Variants in RASA2 observed in about 807,000 individuals in gnomAD.
RASA2 encodes the protein RAS p21 protein activator 2.
Under a neutral mutation model 118.2 loss-of-function variants are expected in RASA2, and 155 were observed. That is an observed-to-expected ratio of 1.31 (90% CI 1.15 to 1.50). The LOEUF (loss-of-function observed/expected upper bound fraction) is 1.50, where lower values mean the gene tolerates loss of function less well. Ranked by LOEUF, RASA2 falls within the 40% of genes most tolerant of loss-of-function variation. RASA2 has a pLI of 0.00. For synonymous variants in RASA2, 353 were observed against 349.1 expected, an observed-to-expected ratio of 1.01 and a Z score of -0.12; for missense variants, 1,016 against 1,009.6, an observed-to-expected ratio of 1.01 and a Z score of -0.09.
At chr3:141,575,692 A>G (rs2082999656) in intron 14 of RASA2, among the ~76,000 whole-genome samples, 1 of 116,444 alleles carries the variant, frequency 8.6e-6, no homozygotes. Context: ...CATTCACTAT[A>G]CTCTATACTA....
At chr3:141,609,311 T>C (rs1414471195) in intron 21 of RASA2, 109 bp from the exon 22 acceptor site, 1 of 600,550 alleles carries the variant, frequency 1.7e-6, no homozygotes, top group Non-Finnish European at 2.6e-6. Flanking sequence ...CCAGACTTCC[T>C]TCTGCAAAAG....
intron 1 of RASA2, among the ~76,000 whole-genome samples, chr3:141,509,245 AAGGATGCT>A (rs1256952280): frequency 2.6e-5 from 4 of 152,220 alleles, no homozygotes. Context: ...TTTTATAGGA[AAGGATGCT>A]TGGTACATTT....
chr3:141,533,906 C>T (rs949550261), intron 4 of RASA2, among the ~76,000 whole-genome samples: 2 of 152,144 alleles, frequency 1.3e-5, no homozygotes, highest in Non-Finnish European at 2.9e-5. Context: ...GTCAATAAGT[C>T]TAGTGGACAT....
Position 141,612,489 on chromosome 3 carries a change from G to A in RASA2, c.*176G>A. The A allele has an allele frequency of 3.7e-6, 2 of 535,274 alleles. No individual in the cohort carries two copies. The highest frequency in any genetic ancestry group is 6.5e-6 in the Non-Finnish European group (2 of 308,508). 33.2% of individuals were successfully genotyped at this position (535,274 alleles called of 1,614,324 possible). A position where few individuals can be genotyped will look rare whatever the true frequency, so the allele number is the denominator to read the frequency against. ...TTAATTGTTTGGGAATCCTGGTATT[G>A]ATGTATTACTAGAGAATTTAAAGCC... On this transcript the variant is annotated 3_prime_UTR_variant, in exon 24 of 24. Transcript: ENST00000286364.
chr3:141,557,775 TA>T (rs1169668261), intron 7 of RASA2, among the ~76,000 whole-genome samples: 1 of 151,638 alleles, frequency 6.6e-6, no homozygotes, highest in African/African-American at 2.4e-5. Context: ...AAGAGGCAGA[TA>T]AAAGAGAGAA....
intron 3 of RASA2, among the ~76,000 whole-genome samples, chr3:141,521,217 T>G (rs2082107011): frequency 6.6e-6 from 1 of 152,192 alleles, no homozygotes; most frequent in Admixed American, 6.5e-5. Context: ...GTGAAGCCTG[T>G]GTTGGAATGA....
At chr3:141,513,493 G>T (rs1028258031) in intron 2 of RASA2, among the ~76,000 whole-genome samples, 2 of 152,096 alleles carry the variant, frequency 1.3e-5, no homozygotes, top group Non-Finnish European at 2.9e-5. Context: ...TAATTGTTTA[G>T]AAAATAATGC....
At chr3:141,605,011 T>G (rs2083525098) in intron 19 of RASA2, among the ~76,000 whole-genome samples, 1 of 152,038 alleles carries the variant, frequency 6.6e-6, no homozygotes, top group Non-Finnish European at 1.5e-5. Context: ...GTAAACATAC[T>G]CCATTGTTTA....
intron 6 of RASA2, 146 bp downstream of exon 6, chr3:141,554,086 C>T (rs980584239): frequency 7.4e-7 from 1 of 1,355,920 alleles, no homozygotes; most frequent in African/African-American, 1.5e-5. Flanking sequence ...TTAGTGAGTT[C>T]TATTATACAC....
At chr3:141,547,203 A>C (rs1202053543) in intron 5 of RASA2, among the ~76,000 whole-genome samples, 1 of 151,934 alleles carries the variant, frequency 6.6e-6, no homozygotes, top group Non-Finnish European at 1.5e-5. Flanking sequence ...GTTTCATATA[A>C]ATTTTGGGAT....
rs1192362545 is a variant in RASA2 at position 141,608,566 on chromosome 3, C to T, written c.2094C>T (p.Asp698=). ...NNCVEANEWI[D]VLCRVSRCNQ... is the part of the protein sequence containing the mutation. The stretch of plus-strand genomic sequence containing the variant: ...GTGTAGAAGCTAATGAATGGATAGA[C>T]GTACTCTGCAGGGTGAGCCGATGCA... The change falls in exon 21 of 24, where the codon GAC becomes GAT. Residue 698 remains aspartate (D), a synonymous_variant. Transcript: ENST00000286364. 4 of 1,613,820 alleles carry T rather than the reference C, an allele frequency of 2.5e-6. No individual in the cohort carries two copies. Among genetic ancestry groups the T allele is most frequent in the East Asian group, 2.2e-5 (1 of 44,884 alleles).
chr3:141,603,954 A>G (rs1192458060), intron 19 of RASA2, among the ~76,000 whole-genome samples: 3 of 152,228 alleles, frequency 2.0e-5, no homozygotes, highest in Admixed American at 6.5e-5. Flanking sequence ...TCTTTTACAG[A>G]TAATACCACA....
chr3:141,600,502 A>C (rs1230299956), intron 19 of RASA2: 1 of 319,510 alleles, frequency 3.1e-6, no homozygotes, highest in African/African-American at 2.2e-5. Flanking sequence ...CACAGCCTTC[A>C]TGCAGGTGGC....
Position 141,580,435 on chromosome 3 carries a change from G to A in RASA2, c.1658G>A (p.Ser553Asn). 12 of 1,605,232 alleles carry A rather than the reference G, an allele frequency of 7.5e-6. No homozygotes were observed. Among genetic ancestry groups the A allele is most frequent in the Non-Finnish European group, 1.0e-5 (12 of 1,173,222 alleles). Residue 553 changes from serine to asparagine, a missense_variant, in exon 16 of 24, where the codon AGT becomes AAT. Physicochemically the swap from Ser to Asn is conservative, Grantham distance 46. Around this residue, in one of 2 missense-constraint regions of RASA2, gnomAD observed 896 missense variants for 836.4 expected, o/e 1.07. Coordinates refer to ENST00000286364, the MANE Select transcript of RASA2 (RefSeq NM_006506.5). ...ATACAAACTTTGGGAAGCTGGGGGA[G>A]TCTGTCCAAAAGCAAGGTAAGTCCT... ...KTIQTLGSWG[S>N]LSKSKSSFKE...
chr3:141,551,603 CA>C (rs941624305), intron 5 of RASA2, among the ~76,000 whole-genome samples: 1 of 152,218 alleles, frequency 6.6e-6, no homozygotes, highest in African/African-American at 2.4e-5. Context: ...CTCTTCTTCT[CA>C]GAGAAACCAT....
Position 141,586,801 on chromosome 3 carries a change from A to G in RASA2, c.1933+49A>G, listed in dbSNP as rs776076757. 5 of 1,470,862 alleles carry G rather than the reference A, an allele frequency of 3.4e-6. No individual in the cohort carries two copies. In the African/African-American group the frequency reaches 4.2e-5, roughly 12 times the overall value. 91.1% of individuals were successfully genotyped at this position (1,470,862 alleles called of 1,614,324 possible). On this transcript the variant is annotated intron_variant, in intron 19 of 23. Transcript: ENST00000286364. Reference sequence around the variant, plus strand: ...TGGGGTTTTTCCTGGTTCTCAGTGAAGGTTTCTTTGCCGCTTATTGTGACT... The same window carrying G: ...TGGGGTTTTTCCTGGTTCTCAGTGAGGGTTTCTTTGCCGCTTATTGTGACT...
rs781669610 is a variant in RASA2 at position 141,574,087 on chromosome 3, A to T, written c.1483+20A>T. 132 of 1,404,308 alleles carry T rather than the reference A, an allele frequency of 9.4e-5. 1 individual carries two copies. The highest frequency in any genetic ancestry group is 1.2e-4 in the Non-Finnish European group (127 of 1,064,406). 87.0% of individuals were successfully genotyped at this position (1,404,308 alleles called of 1,614,324 possible). A position where few individuals can be genotyped will look rare whatever the true frequency, so the allele number is the denominator to read the frequency against. ...TTCCTAGTAAGTGCCTTGTTTTACT[A>T]AAACATGCCATTTATTTTTCTTTGA... On this transcript the variant is annotated intron_variant, in intron 14 of 23. Transcript: ENST00000286364.
At position 141,574,051 on chromosome 3, in the gene RASA2, T is replaced by C. The variant is rs1337314431; in HGVS notation, c.1467T>C (p.Ala489=). ...CDIFYSLRQM[A]TQRFPNDPHV... Reference sequence around the variant, plus strand: ...TCTTTTATTCTCTAAGGCAGATGGCTACTCAGAGATTTCCTAGTAAGTGCC... The same window carrying C: ...TCTTTTATTCTCTAAGGCAGATGGCCACTCAGAGATTTCCTAGTAAGTGCC... The change falls in exon 14 of 24, where the codon GCT becomes GCC. Residue 489 remains alanine, a synonymous_variant. Coordinates refer to ENST00000286364, the MANE Select transcript of RASA2 (RefSeq NM_006506.5). 5.4e-6 allele frequency: 8 copies of C among 1,489,436 alleles called. No homozygotes were observed. The highest frequency in any genetic ancestry group is 7.2e-6 in the Non-Finnish European group (8 of 1,111,758). The allele number at this position is 1,489,436 out of a possible 1,614,324, so 92.3% of individuals were successfully genotyped here. A position where few individuals can be genotyped will look rare whatever the true frequency, so the allele number is the denominator to read the frequency against.
intron 9 of RASA2, among the ~76,000 whole-genome samples, chr3:141,568,189 A>G (rs2082852684): frequency 6.6e-6 from 1 of 152,200 alleles, no homozygotes; most frequent in African/African-American, 2.4e-5. Flanking sequence ...TTGCATGAAT[A>G]TTATGTACCC....
Sources: allele counts gnomAD v4.1 joint callset (sites outside exome capture counted in the v4.1 genomes callset), GRCh38; gene constraint gnomAD v4.1.1; regional missense constraint gnomAD v4.1.1; transcripts MANE v1.5; gene names NCBI Gene and HGNC (gene_info 2026-07-23, HGNC 2026-07-21).